MAP9: variants seen among roughly 807,000 people sequenced by gnomAD.
The protein encoded by MAP9 is microtubule-associated protein 9.
MAP9 carries 80 observed loss-of-function variants against 75.2 expected under a neutral mutation model. That is an observed-to-expected ratio of 1.06 (90% CI 0.89 to 1.28). MAP9 has a LOEUF of 1.28. Ranked by LOEUF, MAP9 falls within the 50% of genes most tolerant of loss-of-function variation. The pLI, the probability that MAP9 is intolerant of heterozygous loss-of-function variation, is 0.00. For synonymous variants in MAP9, 235 were observed against 237.3 expected (o/e 0.99, Z 0.09); for missense variants, 753 against 719.9 (o/e 1.05, Z -0.53).
intron 1 of MAP9, 84 bp from the exon 2 acceptor site, chr4:155,375,998 A>C: frequency 1.8e-6 from 1 of 552,994 alleles, no homozygotes. Flanking sequence ...ACAAAGGTCA[A>C]AGAAAAGCAT....
chr4:155,360,586 T>A, intron 6 of MAP9, 171 bp from the exon 7 acceptor site: 2 of 608,582 alleles, frequency 3.3e-6, no homozygotes, highest in Non-Finnish European at 5.2e-6. Flanking sequence ...GAAAGTGATT[T>A]ACAAAAAAAA....
Position 155,346,223 on chromosome 4 carries a change from C to CTGA in MAP9, c.*1557_*1559dup, listed in dbSNP as rs1731281888. 1 of 152,086 alleles carries CTGA rather than the reference C, an allele frequency of 6.6e-6. No individual in the cohort carries two copies. Among genetic ancestry groups the CTGA allele is most frequent in the Admixed American group, 6.6e-5 (1 of 15,236 alleles). The allele number at this position is 152,086 out of a possible 1,614,324, so 9.4% of individuals were successfully genotyped here. ...TTTGTCACATAACTTGCTGAGTTTT[C>CTGA]TGATATTCTGATAGTAGTTATAAGA... is the stretch of plus-strand genomic sequence containing the variant. On this transcript the variant is annotated 3_prime_UTR_variant, in exon 14 of 14. Transcript: ENST00000311277.
intron 13 of MAP9, chr4:155,350,168 AG>A: frequency 2.3e-6 from 1 of 428,302 alleles, no homozygotes; most frequent in South Asian, 1.7e-5. Flanking sequence ...GTATATAAAA[AG>A]CTTGAGATGT....
At chr4:155,359,215 A>G (rs1315950287) in intron 7 of MAP9, among the ~76,000 whole-genome samples, 4 of 118,342 alleles carry the variant, frequency 3.4e-5, no homozygotes, top group African/African-American at 9.4e-5. Flanking sequence ...GTGTATACAC[A>G]CACACACACA....
intron 5 of MAP9, chr4:155,363,194 T>G (rs976419841): frequency 2.0e-5 from 3 of 152,120 alleles, no homozygotes; most frequent in Non-Finnish European, 4.4e-5. Flanking sequence ...GCATAGAAGC[T>G]AGAAACTGAA....
rs984648650 is a variant in MAP9, at chr4:155,344,760, C to A, written c.*3023G>T. The A allele has an allele frequency of 2.6e-5, 4 of 151,862 alleles. No individual in the cohort carries two copies. The highest frequency in any genetic ancestry group is 9.7e-5 in the African/African-American group (4 of 41,408). 9.4% of individuals were successfully genotyped at this position (151,862 alleles called of 1,614,324 possible). ...CATCTTTTAAGTTAAATAGCATTAC[C>A]ACTTTCTTCATTATTATGAAATTTA... is the stretch of plus-strand genomic sequence containing the variant. On this transcript the variant is annotated 3_prime_UTR_variant, in exon 14 of 14. Transcript: ENST00000311277.
rs1731233003 is a variant in MAP9, at chr4:155,345,004, A to T, written c.*2779T>A. 2.6e-5 allele frequency: 4 copies of T among 152,004 alleles called. No homozygotes were observed. The highest frequency in any genetic ancestry group is 2.6e-4 in the Admixed American group (4 of 15,234). The allele number at this position is 152,004 out of a possible 1,614,324, so 9.4% of individuals were successfully genotyped here. On this transcript the variant is annotated 3_prime_UTR_variant, in exon 14 of 14. Coordinates refer to ENST00000311277, the MANE Select transcript of MAP9 (RefSeq NM_001039580.2). ...TTTTAATGTCCTTAATTTGAATTAAACATTCCCTTATAATACAAATTAATG... is the reference window on the plus strand; with the variant it reads ...TTTTAATGTCCTTAATTTGAATTAATCATTCCCTTATAATACAAATTAATG...
chr4:155,362,019 T>C (rs754832267), intron 6 of MAP9, 29 bp downstream of exon 6: 7 of 1,293,616 alleles, frequency 5.4e-6, no homozygotes, highest in Non-Finnish European at 7.8e-6. Context: ...AGAGTTCACA[T>C]ATAAGATATA....
chr4:155,370,308 T>A (rs719688), intron 4 of MAP9, among the ~76,000 whole-genome samples: 10,013 of 152,230 alleles, frequency 0.066, 1,068 homozygotes, highest in African/African-American at 0.23. Flanking sequence ...ATCACATCAC[T>A]CCTTTCTACA....
intron 4 of MAP9, among the ~76,000 whole-genome samples, chr4:155,371,037 C>G (rs910849601): frequency 5.9e-5 from 9 of 152,130 alleles, no homozygotes; most frequent in African/African-American, 1.9e-4. Flanking sequence ...AAAGGAGAAG[C>G]ATCCTGACTC....
intron 4 of MAP9, among the ~76,000 whole-genome samples, chr4:155,372,365 A>C (rs1424389904): frequency 6.6e-6 from 1 of 152,242 alleles, no homozygotes; most frequent in Non-Finnish European, 1.5e-5. Flanking sequence ...TAAAATACAA[A>C]GAATGAAAAA....
intron 10 of MAP9, among the ~76,000 whole-genome samples, chr4:155,353,575 T>C (rs1428716357): frequency 1.3e-5 from 2 of 152,146 alleles, no homozygotes; most frequent in Non-Finnish European, 2.9e-5. Flanking sequence ...AAAACATTTA[T>C]CACATATTGA....
chr4:155,371,151 G>A (rs547830439), intron 4 of MAP9, among the ~76,000 whole-genome samples: 63 of 152,240 alleles, frequency 4.1e-4, no homozygotes, highest in African/African-American at 1.5e-3. Context: ...TGACTATAAA[G>A]TCTGGTTATT....
chr4:155,375,800 T>A lies in MAP9; in HGVS notation c.51A>T (p.Lys17Asn). 1 of 1,609,678 alleles carries A rather than the reference T, an allele frequency of 6.2e-7. No individual in the cohort carries two copies. Among genetic ancestry groups the A allele is most frequent in the Non-Finnish European group, 8.5e-7 (1 of 1,176,938 alleles). The change falls in exon 2 of 14, where the codon AAA (lysine) becomes AAT (asparagine). Residue 17 changes from lysine to asparagine, a missense_variant. Transcript: ENST00000311277. ...CCTGGAAAGTAGTTCTTTTGGTAAC[T>A]TTTGGACTCTTTGTATATGCCAAAG... ...STTLAYTKSP[K>N]VTKRTTFQDE...
In MAP9 at chr4:155,369,345, C is replaced by A. The variant is rs199631080; in HGVS notation, c.482-533G>T. On this transcript the variant is annotated intron_variant, in intron 4 of 13. Coordinates refer to ENST00000311277, the MANE Select transcript of MAP9 (RefSeq NM_001039580.2). ...AATCCATCTAAAAAAAAAAAAAAAACCAAACAACAACAACAACAAAAAAAA... is the reference window on the plus strand; with the variant it reads ...AATCCATCTAAAAAAAAAAAAAAAAACAAACAACAACAACAACAAAAAAAA... 4.4e-3 allele frequency among the ~76,000 whole-genome samples: 424 copies of A among 97,350 alleles called. 5 individuals are homozygous for A. The highest frequency in any genetic ancestry group is 0.011 in the Middle Eastern group (2 of 190). 63.9% of individuals were successfully genotyped at this position (97,350 alleles called of 152,430 possible). A position where few individuals can be genotyped will look rare whatever the true frequency, so the allele number is the denominator to read the frequency against.
chr4:155,365,279 AAT>A (rs1732273597), intron 5 of MAP9, among the ~76,000 whole-genome samples: 1 of 152,114 alleles, frequency 6.6e-6, no homozygotes. Flanking sequence ...TAAGGAAAGG[AAT>A]ATTACCAGAG....
chr4:155,355,430 A>C (rs191636728), intron 9 of MAP9, among the ~76,000 whole-genome samples: 1 of 152,188 alleles, frequency 6.6e-6, no homozygotes, highest in Non-Finnish European at 1.5e-5. Context: ...TCAAGAAGAA[A>C]AAAATGAAAA....
Position 155,375,033 on chromosome 4 carries a change from T to C in MAP9, c.76-12A>G, listed in dbSNP as rs192866237. On this transcript the variant is annotated splice_polypyrimidine_tract_variant and intron_variant, in intron 2 of 13. Coordinates refer to ENST00000311277, the MANE Select transcript of MAP9 (RefSeq NM_001039580.2). ...CTTATTAGCTCATCCTGAAATGAGA[T>C]ACTGAAATCAATTTCCATCCAAACA... is the stretch of plus-strand genomic sequence containing the variant. 2.0e-4 allele frequency: 310 copies of C among 1,541,034 alleles called. No homozygotes were observed. The Middle Eastern group carries it at 2.6e-3, about 13-fold the overall frequency.
At chr4:155,351,275 T>C (rs1188253492) in intron 13 of MAP9, 3 of 151,958 alleles carry the variant, frequency 2.0e-5, no homozygotes, top group South Asian at 2.1e-4. Flanking sequence ...AAGGATACAT[T>C]TGGAAAAACT....
Sources: allele counts gnomAD v4.1 joint callset (sites outside exome capture counted in the v4.1 genomes callset), GRCh38; gene constraint gnomAD v4.1.1; transcripts MANE v1.5; gene names NCBI Gene and HGNC (gene_info 2026-07-23, HGNC 2026-07-21).